ERBB4: variants seen among roughly 807,000 people sequenced by gnomAD.
ERBB4 encodes the protein erb-b2 receptor tyrosine kinase 4.
Under a neutral mutation model 158.0 loss-of-function variants are expected in ERBB4, and 42 were observed. The observed-to-expected ratio is 0.27, with a 90% CI of 0.21 to 0.34. ERBB4 has a LOEUF of 0.34. ERBB4 is among the 10% of genes least tolerant of loss of function. The pLI, the probability that ERBB4 is intolerant of heterozygous loss-of-function variation, is 1.00. For synonymous variants in ERBB4, 583 were observed against 558.7 expected (o/e 1.04, Z -0.61); for missense variants, 1,333 against 1,624.1 (o/e 0.82, Z 3.08).
chr2:211,836,251 TAC>T (rs1414740068), intron 3 of ERBB4, among the ~76,000 whole-genome samples: 1 of 152,096 alleles, frequency 6.6e-6, no homozygotes, highest in Non-Finnish European at 1.5e-5. Flanking sequence ...GGTCTCAATA[TAC>T]AGTTTTACTC....
At chr2:211,468,544 C>A (rs891146781) in intron 20 of ERBB4, among the ~76,000 whole-genome samples, 1 of 151,926 alleles carries the variant, frequency 6.6e-6, no homozygotes, top group African/African-American at 2.4e-5. Context: ...GGTCTATTTG[C>A]CTGGAAAAAT....
intron 5 of ERBB4, among the ~76,000 whole-genome samples, chr2:211,749,542 C>T (rs1368590623): frequency 6.6e-6 from 1 of 152,104 alleles, no homozygotes; most frequent in African/African-American, 2.4e-5. Context: ...ACCTTATAAT[C>T]TTTTCCATTT....
chr2:212,099,311 T>C (rs546418205), intron 2 of ERBB4, among the ~76,000 whole-genome samples: 1 of 152,010 alleles, frequency 6.6e-6, no homozygotes, highest in African/African-American at 2.4e-5. Context: ...AAACTTCTTC[T>C]TGAGATATGA....
At chr2:212,172,170 T>G (rs899336946) in intron 1 of ERBB4, among the ~76,000 whole-genome samples, 1 of 152,036 alleles carries the variant, frequency 6.6e-6, no homozygotes, top group Non-Finnish European at 1.5e-5. Flanking sequence ...AAAAGCTCAA[T>G]ATCACTGATC....
intron 1 of ERBB4, among the ~76,000 whole-genome samples, chr2:212,210,120 T>C (rs2082886768): frequency 6.6e-6 from 1 of 151,830 alleles, no homozygotes; most frequent in Non-Finnish European, 1.5e-5. Flanking sequence ...TAACATCATG[T>C]TGTGCATAGA....
At chr2:211,618,537 A>G (rs577430065) in intron 19 of ERBB4, among the ~76,000 whole-genome samples, 44 of 151,966 alleles carry the variant, frequency 2.9e-4, no homozygotes, top group African/African-American at 9.6e-4. Context: ...ACTGATACCT[A>G]CTCAAGCTTG....
chr2:212,129,553 C>A (rs1176468970), intron 1 of ERBB4, among the ~76,000 whole-genome samples: 1 of 151,650 alleles, frequency 6.6e-6, no homozygotes. Context: ...TTATAATGAA[C>A]ATATGCTACC....
At chr2:211,583,503 TA>T (rs1237414952) in intron 19 of ERBB4, among the ~76,000 whole-genome samples, 3 of 88,260 alleles carry the variant, frequency 3.4e-5, no homozygotes, top group African/African-American at 8.8e-5. Flanking sequence ...TATAGTAGAA[TA>T]AATTATTTTC....
chr2:211,694,121 T>C (rs1489936631), intron 12 of ERBB4, among the ~76,000 whole-genome samples: 2 of 152,166 alleles, frequency 1.3e-5, no homozygotes, highest in Non-Finnish European at 2.9e-5. Context: ...CTTGTGCAAA[T>C]ACCCTATTCC....
rs530117772 is a variant in ERBB4 at position 211,931,441 on chromosome 2, A to G, written c.421+15989T>C. 5.7e-4 allele frequency among the ~76,000 whole-genome samples: 86 copies of G among 152,108 alleles called. No individual in the cohort carries two copies. The Middle Eastern group carries it at 0.01, about 18-fold the overall frequency. On this transcript the variant is annotated intron_variant, in intron 3 of 27. Coordinates refer to ENST00000342788, the MANE Select transcript of ERBB4 (RefSeq NM_005235.3). ...ATTAAATGCTTGAACTTCAGTTCCC[A>G]TGTGCTCAGAAAGCAAAACTACAGC...
At chr2:212,471,468 A>G (rs905087643) in intron 1 of ERBB4, among the ~76,000 whole-genome samples, 3 of 152,014 alleles carry the variant, frequency 2.0e-5, no homozygotes, top group South Asian at 4.1e-4. Context: ...TATGATTACT[A>G]CAACCAATAA....
intron 12 of ERBB4, among the ~76,000 whole-genome samples, chr2:211,688,966 A>G (rs1387075637): frequency 6.6e-6 from 1 of 151,844 alleles, no homozygotes; most frequent in Non-Finnish European, 1.5e-5. Flanking sequence ...TGTCTTAAAT[A>G]TTTATTAAAA....
chr2:212,376,459 G>A (rs1416583319), intron 1 of ERBB4, among the ~76,000 whole-genome samples: 1 of 151,972 alleles, frequency 6.6e-6, no homozygotes, highest in Non-Finnish European at 1.5e-5. Context: ...GAGAAGGTTA[G>A]CCAAAGCTTG....
rs185457447 is a variant in ERBB4, at chr2:211,494,609, G to A, written c.2488-63509C>T. Among the ~76,000 whole-genome samples, 32 of 152,162 alleles carry A rather than the reference G, an allele frequency of 2.1e-4. 1 individual carries two copies. In the East Asian group the frequency reaches 4.8e-3, roughly 23 times the overall value. On this transcript the variant is annotated intron_variant, in intron 20 of 27. Coordinates refer to ENST00000342788, the MANE Select transcript of ERBB4 (RefSeq NM_005235.3). ...TGAGGAATCTCTACATGATAAAGAA[G>A]ACTTCTCAGAAATAATTACCTACTT...
chr2:212,266,777 A>G (rs2085151404), intron 1 of ERBB4, among the ~76,000 whole-genome samples: 2 of 152,134 alleles, frequency 1.3e-5, no homozygotes, highest in South Asian at 4.1e-4. Context: ...TGAAATTAGA[A>G]TGACTGCTAA....
intron 19 of ERBB4, among the ~76,000 whole-genome samples, chr2:211,571,041 CTTT>C (rs549254649): frequency 9.2e-6 from 1 of 109,078 alleles, no homozygotes; most frequent in Non-Finnish European, 1.7e-5. Context: ...TACTCTTCTT[CTTT>C]TTTTTTTTTT....
At chr2:211,877,509 A>G (rs1413278767) in intron 3 of ERBB4, among the ~76,000 whole-genome samples, 2 of 151,898 alleles carry the variant, frequency 1.3e-5, no homozygotes, top group South Asian at 2.1e-4. Flanking sequence ...ATTCAAGCAT[A>G]CTTTCGGGGT....
chr2:211,744,915 C>G (rs745835710), intron 5 of ERBB4, among the ~76,000 whole-genome samples: 1 of 152,192 alleles, frequency 6.6e-6, no homozygotes, highest in Admixed American at 6.5e-5. Flanking sequence ...TCCAGAAAAG[C>G]CTTCACTAAA....
At chr2:212,189,919 T>C (rs905213946) in intron 1 of ERBB4, among the ~76,000 whole-genome samples, 1 of 152,212 alleles carries the variant, frequency 6.6e-6, no homozygotes, top group African/African-American at 2.4e-5. Context: ...TCATCTTTAC[T>C]GTTAGTCAAA....
Sources: allele counts gnomAD v4.1 joint callset (sites outside exome capture counted in the v4.1 genomes callset), GRCh38; gene constraint gnomAD v4.1.1; transcripts MANE v1.5; gene names NCBI Gene and HGNC (gene_info 2026-07-23, HGNC 2026-07-21).